TRHDE: variants seen among roughly 807,000 people sequenced by gnomAD.
TRHDE encodes the protein thyrotropin releasing hormone degrading enzyme, also known as thyrotropin-releasing hormone-degrading ectoenzyme.
A neutral mutation model predicts 125.7 loss-of-function variants in TRHDE; 72 were observed. The ratio of observed to expected loss-of-function variants is 0.57; its 90% confidence interval spans 0.47 to 0.70. TRHDE has a LOEUF of 0.70. TRHDE is among the 30% of genes least tolerant of loss of function. The pLI, the probability that TRHDE is intolerant of heterozygous loss-of-function variation, is 0.00. For synonymous variants in TRHDE, 509 were observed against 509.1 expected (o/e 1.00, Z 0.00); for missense variants, 1,110 against 1,327.1 (o/e 0.84, Z 2.54).
chr12:72,453,071 A>G (rs1875660477), intron 3 of TRHDE, among the ~76,000 whole-genome samples: 1 of 152,232 alleles, frequency 6.6e-6, no homozygotes, highest in African/African-American at 2.4e-5. Context: ...TTTTGAACTG[A>G]GTAGTCAGCA....
At chr12:72,329,464 C>T (rs754391828) in intron 2 of TRHDE, among the ~76,000 whole-genome samples, 5 of 152,166 alleles carry the variant, frequency 3.3e-5, no homozygotes, top group African/African-American at 7.2e-5. Flanking sequence ...CCCATTTTTA[C>T]CCCTCCATGT....
chr12:72,092,740 T>C (rs1416335420), intron 1 of TRHDE, among the ~76,000 whole-genome samples: 3 of 152,224 alleles, frequency 2.0e-5, no homozygotes, highest in Non-Finnish European at 2.9e-5. Context: ...CCAAAATGCA[T>C]GTACTAAGAA....
At chr12:72,300,385 C>CAT (rs1880461042) in intron 2 of TRHDE, among the ~76,000 whole-genome samples, 1 of 151,844 alleles carries the variant, frequency 6.6e-6, no homozygotes, top group African/African-American at 2.4e-5. Flanking sequence ...CACACACACA[C>CAT]ACACACACAC....
At chr12:72,094,812 G>C (rs919786300) in intron 1 of TRHDE, among the ~76,000 whole-genome samples, 2 of 152,216 alleles carry the variant, frequency 1.3e-5, no homozygotes, top group Admixed American at 1.3e-4. Flanking sequence ...TGGTGAGTCT[G>C]CCACCTGGGC....
At chr12:72,321,777 T>A (rs572332682) in intron 2 of TRHDE, among the ~76,000 whole-genome samples, 1 of 152,296 alleles carries the variant, frequency 6.6e-6, no homozygotes, top group East Asian at 1.9e-4. Context: ...TAGCAGTATT[T>A]GTAAATAACC....
At chr12:72,541,927 T>C (rs1428988002) in intron 6 of TRHDE, among the ~76,000 whole-genome samples, 1 of 151,422 alleles carries the variant, frequency 6.6e-6, no homozygotes, top group Non-Finnish European at 1.5e-5. Flanking sequence ...TTAACATGGG[T>C]ATCCTTCCCT....
At chr12:72,175,773 T>C (rs1364369086) in intron 2 of TRHDE, among the ~76,000 whole-genome samples, 3 of 152,150 alleles carry the variant, frequency 2.0e-5, no homozygotes, top group Admixed American at 6.5e-5. Context: ...TGAGTGTGAA[T>C]TATGAAGATA....
Position 72,663,131 on chromosome 12 carries a change from T to C in TRHDE, c.3146T>C (p.Val1049Ala). 6.2e-7 allele frequency: 1 copy of C among 1,613,304 alleles called. No homozygotes were observed. The highest frequency in any genetic ancestry group is 1.3e-5 in the African/African-American group (1 of 75,000). ...GCTGTGGAAACTGTCGAAGCCAATG[T>C]GCGCTGGAAAATGCTTTACCAAGAC... is the stretch of plus-strand genomic sequence containing the variant. ...SRAVETVEAN[V>A]RWKMLYQDEL... The change falls in exon 19 of 19, where the codon GTG becomes GCG. Residue 1049 changes from valine (V) to alanine (A), a missense_variant. This residue lies in a region of TRHDE where 527 missense variants were observed against 651.8 expected (regional missense o/e 0.81). Coordinates refer to ENST00000261180, the MANE Select transcript of TRHDE (RefSeq NM_013381.3).
chr12:72,453,123 T>G (rs1875661923), intron 3 of TRHDE, among the ~76,000 whole-genome samples: 1 of 152,032 alleles, frequency 6.6e-6, no homozygotes, highest in Non-Finnish European at 1.5e-5. Flanking sequence ...GACAGGAAGA[T>G]GAAGGAAAGT....
At chr12:72,214,329 G>C (rs983501564) in intron 2 of TRHDE, among the ~76,000 whole-genome samples, 1 of 152,142 alleles carries the variant, frequency 6.6e-6, no homozygotes, top group Admixed American at 6.5e-5. Flanking sequence ...CTGTCAACTA[G>C]AGATATTTCA....
intron 3 of TRHDE, among the ~76,000 whole-genome samples, chr12:72,412,436 G>T (rs779830615): frequency 1.1e-4 from 17 of 152,124 alleles, no homozygotes; most frequent in Non-Finnish European, 2.1e-4. Flanking sequence ...AGTCACTGGG[G>T]AGGTTGTAGC....
At chr12:72,161,952 T>A (rs904378525) in intron 2 of TRHDE, among the ~76,000 whole-genome samples, 1 of 152,202 alleles carries the variant, frequency 6.6e-6, no homozygotes, top group African/African-American at 2.4e-5. Flanking sequence ...TTTTAAAAGC[T>A]CCATGGGTTT....
At chr12:72,183,491 GTTTA>G (rs1419947979) in intron 2 of TRHDE, among the ~76,000 whole-genome samples, 4 of 152,054 alleles carry the variant, frequency 2.6e-5, no homozygotes, top group Admixed American at 2.6e-4. Flanking sequence ...TAGTTCTAAC[GTTTA>G]TTTGACATTA....
At chr12:72,126,331 A>G (rs569888752) in intron 2 of TRHDE, among the ~76,000 whole-genome samples, 3 of 152,268 alleles carry the variant, frequency 2.0e-5, no homozygotes, top group East Asian at 3.9e-4. Flanking sequence ...TACAAATGCC[A>G]TTCTTCACAA....
intron 2 of TRHDE, among the ~76,000 whole-genome samples, chr12:72,153,342 A>G (rs1315666079): frequency 6.6e-6 from 1 of 152,178 alleles, no homozygotes; most frequent in East Asian, 1.9e-4. Flanking sequence ...CTTTTCAAAA[A>G]ACCAGCTCCT....
intron 2 of TRHDE, chr12:72,254,507 T>C (rs4073009): frequency 0.22 from 34,096 of 152,032 alleles, 4,340 homozygotes; most frequent in Middle Eastern, 0.38. Context: ...ATTTTCATTA[T>C]CTATGTTCTA....
At chr12:72,332,510 C>T (rs895178813) in intron 2 of TRHDE, among the ~76,000 whole-genome samples, 7 of 152,076 alleles carry the variant, frequency 4.6e-5, no homozygotes, top group Non-Finnish European at 5.9e-5. Context: ...CTAAACCATT[C>T]GTGAGAGATC....
chr12:72,546,779 C>G (rs961483684), intron 7 of TRHDE, among the ~76,000 whole-genome samples: 2 of 151,606 alleles, frequency 1.3e-5, no homozygotes, highest in African/African-American at 4.8e-5. Context: ...GAAATAAAGG[C>G]ATTTGGGTTT....
intron 2 of TRHDE, among the ~76,000 whole-genome samples, chr12:72,183,192 T>C (rs1877129132): frequency 6.6e-6 from 1 of 152,206 alleles, no homozygotes; most frequent in East Asian, 1.9e-4. Flanking sequence ...TAACCTTTAC[T>C]AAAACTTTAT....
Sources: gnomAD v4.1 joint callset for allele counts (sites outside exome capture counted in the v4.1 genomes callset) on GRCh38, gnomAD v4.1.1 for gene constraint, gnomAD v4.1.1 regional missense constraint, MANE v1.5 for transcripts, NCBI Gene and HGNC (gene_info 2026-07-23, HGNC 2026-07-21) for gene names.